The following APP variants were observed in gnomAD, a reference collection of about 807,000 sequenced individuals.
The protein encoded by APP is amyloid-beta precursor protein.
A neutral mutation model predicts 101.4 loss-of-function variants in APP; 31 were observed. The ratio of observed to expected loss-of-function variants is 0.31; its 90% CI spans 0.23 to 0.41. APP has a LOEUF of 0.41. APP is among the 10% of genes least tolerant of loss of function. The pLI, the probability that APP is intolerant of heterozygous loss-of-function variation, is 1.00. For synonymous variants in APP, 366 were observed against 364.4 expected (o/e 1.00, Z -0.05); for missense variants, 839 against 1,003.7 (o/e 0.84, Z 2.22).
intron 1 of APP, chr21:26,140,088 G>A (rs750128846): frequency 3.4e-6 from 4 of 1,187,152 alleles, no homozygotes; most frequent in Non-Finnish European, 4.8e-6. Context: ...TACTGTCTGA[G>A]AACAGAGTTT....
intron 3 of APP, among the ~76,000 whole-genome samples, chr21:26,058,084 A>G (rs2046113922): frequency 6.6e-6 from 1 of 152,220 alleles, no homozygotes; most frequent in Non-Finnish European, 1.5e-5. Context: ...CCATGATGCC[A>G]TCAGGGACCA....
chr21:26,149,857 A>C (rs915766310), intron 1 of APP, among the ~76,000 whole-genome samples: 1 of 152,230 alleles, frequency 6.6e-6, no homozygotes, highest in Non-Finnish European at 1.5e-5. Flanking sequence ...GAATGAATGC[A>C]AATTGATGGA....
Position 26,159,145 on chromosome 21 carries a change from C to T in APP, c.57+11419G>A, listed in dbSNP as rs539849991. Among the ~76,000 whole-genome samples the T allele has an allele frequency of 4.6e-5, 7 of 151,986 alleles. No individual in the cohort carries two copies. The East Asian group carries it at 1.2e-3, about 25-fold the overall frequency. ...TTGCCTAGGCTGGAGTGCAGTGGCA[C>T]GATGGCTCACTGCAAGCTCTGCCTC... On this transcript the variant is annotated intron_variant, in intron 1 of 17. Coordinates refer to ENST00000346798, the MANE Select transcript of APP (RefSeq NM_000484.4).
chr21:26,090,348 G>C (rs2061796855), intron 2 of APP, among the ~76,000 whole-genome samples: 1 of 152,064 alleles, frequency 6.6e-6, no homozygotes, highest in South Asian at 2.1e-4. Flanking sequence ...AATAGTTTTG[G>C]GTTTTTGAGC....
intron 3 of APP, among the ~76,000 whole-genome samples, chr21:26,059,890 C>CAAAAAAAAAAAAAAAAAAAAAAAA (rs57594630): frequency 5.7e-5 from 4 of 70,660 alleles, no homozygotes; most frequent in East Asian, 5.5e-4. Flanking sequence ...GACTCCGTCT[C>CAAAAAAAAAAAAAAAAAAAAAAAA]AAAAAAAAAA....
chr21:25,970,454 TC>T (rs1251373454), intron 11 of APP, among the ~76,000 whole-genome samples: 15 of 152,170 alleles, frequency 9.9e-5, no homozygotes, highest in Admixed American at 2.0e-4. Context: ...GATTCTGGTC[TC>T]AGCACCCACC....
At chr21:25,999,611 G>A (rs1380273501) in intron 7 of APP, among the ~76,000 whole-genome samples, 1 of 152,208 alleles carries the variant, frequency 6.6e-6, no homozygotes, top group Non-Finnish European at 1.5e-5. Flanking sequence ...GTGGTAGACA[G>A]TATCTGCACA....
intron 3 of APP, among the ~76,000 whole-genome samples, chr21:26,084,460 C>G (rs893085158): frequency 6.6e-6 from 1 of 152,142 alleles, no homozygotes; most frequent in Non-Finnish European, 1.5e-5. Flanking sequence ...AAGACAGTCT[C>G]AATCTCCTGA....
At chr21:25,897,132 C>CTT (rs969514799) in intron 16 of APP, among the ~76,000 whole-genome samples, 2 of 144,880 alleles carry the variant, frequency 1.4e-5, no homozygotes, top group Non-Finnish European at 3.0e-5. Context: ...TCTTTCTTTT[C>CTT]TTTTTTTTTT....
intron 3 of APP, among the ~76,000 whole-genome samples, chr21:26,073,432 A>G (rs150721331): frequency 4.6e-4 from 70 of 152,258 alleles, no homozygotes; most frequent in African/African-American, 1.3e-3. Flanking sequence ...GACAACCAGA[A>G]TGATAGCAAA....
At chr21:25,892,946 A>AT (rs2037789103) in intron 16 of APP, among the ~76,000 whole-genome samples, 1 of 53,424 alleles carries the variant, frequency 1.9e-5, no homozygotes, top group African/African-American at 9.1e-5. Context: ...TACAGATAGT[A>AT]TTTAAAAAAA....
At chr21:26,061,752 G>A (rs1244557462) in intron 3 of APP, among the ~76,000 whole-genome samples, 1 of 152,210 alleles carries the variant, frequency 6.6e-6, no homozygotes, top group Non-Finnish European at 1.5e-5. Flanking sequence ...TTCTTCAGAT[G>A]AGAACTATTT....
intron 3 of APP, among the ~76,000 whole-genome samples, chr21:26,087,779 G>T (rs1338464816): frequency 6.6e-6 from 1 of 152,258 alleles, no homozygotes; most frequent in Middle Eastern, 3.4e-3. Flanking sequence ...TATCAAACAG[G>T]TATTTGGTAG....
chr21:26,013,834 T>G (rs2043928768), intron 6 of APP, among the ~76,000 whole-genome samples: 1 of 152,170 alleles, frequency 6.6e-6, no homozygotes. Flanking sequence ...TTGAGACCAT[T>G]AAACTACACG....
intron 2 of APP, among the ~76,000 whole-genome samples, chr21:26,098,081 GAA>G (rs757879199): frequency 2.4e-3 from 130 of 54,376 alleles, no homozygotes; most frequent in African/African-American, 7.6e-3. Flanking sequence ...CTCTGTCTCA[GAA>G]AAAAAAAAAA....
chr21:26,053,349 C>G lies in APP; in HGVS notation c.356-1G>C. The G allele has an allele frequency of 6.2e-7, 1 of 1,603,866 alleles. No individual in the cohort carries two copies. Among genetic ancestry groups the G allele is most frequent in the Non-Finnish European group, 8.5e-7 (1 of 1,170,746 alleles). ...AGGGCATCACTTACAAACTCACCAA[C>G]TGAAAGAAAGGAAAACCACTTCCCG... On this transcript the variant is annotated splice_acceptor_variant, in intron 3 of 17. Transcript: ENST00000346798. LOFTEE classifies it high-confidence loss of function.
chr21:26,051,488 C>T (rs1208024560), intron 4 of APP, among the ~76,000 whole-genome samples: 2 of 152,186 alleles, frequency 1.3e-5, no homozygotes, highest in African/African-American at 2.4e-5. Flanking sequence ...ATGTAGCAGT[C>T]TCCACTGGTG....
intron 8 of APP, among the ~76,000 whole-genome samples, chr21:25,984,014 A>C (rs1233468778): frequency 1.3e-5 from 2 of 152,204 alleles, no homozygotes. Context: ...ATGCCGCAGG[A>C]CATGATAGGA....
intron 1 of APP, among the ~76,000 whole-genome samples, chr21:26,152,146 G>A (rs929794037): frequency 4.0e-5 from 6 of 151,776 alleles, no homozygotes; most frequent in African/African-American, 1.5e-4. Flanking sequence ...TTAGCCGGGC[G>A]TGGTGGCGGG....
Sources: allele counts gnomAD v4.1 joint callset (sites outside exome capture counted in the v4.1 genomes callset), GRCh38; gene constraint gnomAD v4.1.1; transcripts MANE v1.5; gene names NCBI Gene and HGNC (gene_info 2026-07-23, HGNC 2026-07-21).